The following RIC3 variants were observed in gnomAD, a reference collection of about 807,000 sequenced individuals.
RIC3 encodes the protein RIC3 acetylcholine receptor chaperone, also known as protein RIC-3.
Under a neutral mutation model 27.3 loss-of-function variants are expected in RIC3, and 28 were observed. The ratio of observed to expected loss-of-function variants is 1.02; its 90% CI spans 0.76 to 1.41. RIC3 has a LOEUF of 1.41. Among genes scored for constraint, RIC3 ranks in the 40% most tolerant of loss-of-function variants. The pLI, the probability that RIC3 is intolerant of heterozygous loss-of-function variation, is 0.00. For missense variants in RIC3, 501 were observed against 444.7 expected (o/e 1.13, Z -1.14); for synonymous variants, 184 against 160.4 (o/e 1.15, Z -1.11).
chr11:8,158,491 T>G (rs978682197), intron 1 of RIC3, among the ~76,000 whole-genome samples: 1 of 152,002 alleles, frequency 6.6e-6, no homozygotes, highest in African/African-American at 2.4e-5. Context: ...TCAACTACCC[T>G]GCAACCTATT....
At chr11:8,135,130 T>G (rs531973659) in intron 4 of RIC3, among the ~76,000 whole-genome samples, 3 of 152,354 alleles carry the variant, frequency 2.0e-5, no homozygotes, top group South Asian at 4.1e-4. Flanking sequence ...AACATTTAAG[T>G]CTTTAAACCA....
chr11:8,124,072 AAAG>A (rs1311724912), intron 5 of RIC3, among the ~76,000 whole-genome samples: 2 of 150,120 alleles, frequency 1.3e-5, no homozygotes, highest in Non-Finnish European at 3.0e-5. Flanking sequence ...CTGAAAAAAA[AAAG>A]AAAGAAAGAA....
chr11:8,101,632 G>A (rs760530010), downstream of RIC3: 25 of 1,613,838 alleles, frequency 1.5e-5, no homozygotes, highest in Non-Finnish European at 1.9e-5. Context: ...GCCTCTTCGT[G>A]CCCTTTGGGG....
chr11:8,156,301 C>T (rs1396906433), intron 1 of RIC3, among the ~76,000 whole-genome samples: 2 of 152,172 alleles, frequency 1.3e-5, no homozygotes, highest in Non-Finnish European at 2.9e-5. Context: ...ATGAGTGCCA[C>T]CTTTTCAGTC....
chr11:8,168,604 A>T (rs1414371315), intron 1 of RIC3, among the ~76,000 whole-genome samples: 2 of 152,194 alleles, frequency 1.3e-5, no homozygotes, highest in African/African-American at 4.8e-5. Context: ...AAACGGGAGT[A>T]CGCAAGGCCA....
At chr11:8,100,437 C>T in the RIC3 span, 8 of 1,247,764 alleles carry the variant, frequency 6.4e-6, no homozygotes, top group African/African-American at 3.0e-5. Context: ...TTATTCCCGT[C>T]CCCCCCACCT....
intron 1 of RIC3, among the ~76,000 whole-genome samples, chr11:8,166,840 ACT>A (rs1951738172): frequency 6.6e-6 from 1 of 151,572 alleles, no homozygotes; most frequent in Non-Finnish European, 1.5e-5. Flanking sequence ...TGTGATCATG[ACT>A]CTGCACTCCA....
intron 1 of RIC3, among the ~76,000 whole-genome samples, chr11:8,159,226 A>G (rs67311429): frequency 0.075 from 11,376 of 152,240 alleles, 490 homozygotes; most frequent in South Asian, 0.11. Context: ...ATGGATATCC[A>G]AAAGAAGAGC....
intron 4 of RIC3, among the ~76,000 whole-genome samples, chr11:8,135,118 C>G (rs529919298): frequency 6.6e-6 from 1 of 152,252 alleles, no homozygotes; most frequent in Non-Finnish European, 1.5e-5. Context: ...GGTTTTAGGT[C>G]TAACATTTAA....
downstream of RIC3, chr11:8,104,663 G>T (rs1944459395): frequency 6.6e-6 from 1 of 152,224 alleles, no homozygotes; most frequent in African/African-American, 2.4e-5. Flanking sequence ...CACCATCCAA[G>T]AATGTTGTTA....
chr11:8,142,937 T>A lies in RIC3; in HGVS notation c.125-2744A>T, dbSNP rs1286149754. On this transcript the variant is annotated intron_variant, in intron 1 of 5. Coordinates refer to ENST00000309737, the MANE Select transcript of RIC3 (RefSeq NM_001206671.4). ...GCCAAAGACAAAAACCACAGGATTA[T>A]CTCAATAGATGCAGAAAAAGCCTTT... Among the ~76,000 whole-genome samples, 2 of 90,552 alleles carry A rather than the reference T, an allele frequency of 2.2e-5. 1 individual carries two copies. Among genetic ancestry groups the A allele is most frequent in the Non-Finnish European group, 3.6e-5 (2 of 55,024 alleles). 59.4% of individuals were successfully genotyped at this position (90,552 alleles called of 152,430 possible).
intron 5 of RIC3, among the ~76,000 whole-genome samples, chr11:8,118,870 C>CAA (rs71059152): frequency 8.5e-4 from 117 of 137,006 alleles, no homozygotes; most frequent in Non-Finnish European, 1.5e-3. Context: ...GACTCCATCT[C>CAA]AAAAAAAAAA....
intron 1 of RIC3, among the ~76,000 whole-genome samples, chr11:8,155,550 T>C (rs938957809): frequency 1.3e-5 from 2 of 152,094 alleles, no homozygotes; most frequent in South Asian, 4.1e-4. Flanking sequence ...CACTCCAGCG[T>C]AGGTGACAGT....
chr11:8,121,960 G>A (rs909590361), intron 5 of RIC3, among the ~76,000 whole-genome samples: 11 of 152,082 alleles, frequency 7.2e-5, no homozygotes, highest in African/African-American at 2.7e-4. Context: ...CAGGCACAGT[G>A]GCATGCACCT....
chr11:8,095,386 AGTTTTGCAGAGG>A, the RIC3 span: 5 of 1,148,784 alleles, frequency 4.4e-6, no homozygotes, highest in Non-Finnish European at 6.1e-6. Flanking sequence ...TTGCAAATAA[AGTTTTGCAGAGG>A]GTTTCCCCAC....
chr11:8,113,694 C>T (rs1029044730), intron 5 of RIC3, among the ~76,000 whole-genome samples: 1 of 152,176 alleles, frequency 6.6e-6, no homozygotes, highest in Non-Finnish European at 1.5e-5. Flanking sequence ...CAGTAGACCC[C>T]AGCATTGGGC....
intron 1 of RIC3, among the ~76,000 whole-genome samples, chr11:8,167,176 GC>G (rs1951770395): frequency 6.6e-6 from 1 of 152,108 alleles, no homozygotes; most frequent in Admixed American, 6.5e-5. Context: ...CCCATTATAT[GC>G]CAGGTACTGA....
chr11:8,122,864 CA>C (rs55826618), intron 5 of RIC3, among the ~76,000 whole-genome samples: 3,561 of 63,482 alleles, frequency 0.056, 26 homozygotes, highest in South Asian at 0.11. Flanking sequence ...ACCAGGTATG[CA>C]AAAAAAAAAA....
At chr11:8,158,925 G>A (rs534582547) in intron 1 of RIC3, among the ~76,000 whole-genome samples, 127 of 149,532 alleles carry the variant, frequency 8.5e-4, no homozygotes, top group African/African-American at 1.3e-3. Flanking sequence ...TAGAGACGGC[G>A]TTTCACCATG....
Sources: allele counts gnomAD v4.1 joint callset (sites outside exome capture counted in the v4.1 genomes callset), GRCh38; gene constraint gnomAD v4.1.1; transcripts MANE v1.5; gene names NCBI Gene and HGNC (gene_info 2026-07-23, HGNC 2026-07-21).